SCRN3: variants seen among roughly 807,000 people sequenced by gnomAD.
SCRN3 encodes the protein secernin-3.
A neutral mutation model predicts 43.1 loss-of-function variants in SCRN3; 39 were observed. That is an observed-to-expected ratio of 0.91 (90% confidence interval 0.70 to 1.18). The LOEUF is 1.18. Among genes scored for constraint, SCRN3 ranks in the 50% most tolerant of loss-of-function variants. SCRN3 has a pLI of 0.00. For missense variants in SCRN3, 484 were observed against 498.0 expected (o/e 0.97, Z 0.27); for synonymous variants, 147 against 163.1 (o/e 0.90, Z 0.75).
intron 3 of SCRN3, among the ~76,000 whole-genome samples, 198 bp from the exon 4 acceptor site, chr2:174,400,792 G>T (rs1685481740): frequency 6.6e-6 from 1 of 152,068 alleles, no homozygotes; most frequent in Non-Finnish European, 1.5e-5. Context: ...AATTTGATAG[G>T]TTTGTTTGAC....
At chr2:174,402,131 A>T (rs1002181537) in intron 4 of SCRN3, among the ~76,000 whole-genome samples, 1 of 152,196 alleles carries the variant, frequency 6.6e-6, no homozygotes, top group Non-Finnish European at 1.5e-5. Context: ...ATTAATATAT[A>T]ACATTGTAGT....
intron 7 of SCRN3, among the ~76,000 whole-genome samples, chr2:174,427,338 T>C (rs772679885): frequency 1.3e-5 from 2 of 152,222 alleles, no homozygotes; most frequent in African/African-American, 2.4e-5. Context: ...TCTGATAATA[T>C]TGGTTTTAAA....
chr2:174,406,616 A>G (rs1308463592), intron 5 of SCRN3, among the ~76,000 whole-genome samples: 2 of 150,560 alleles, frequency 1.3e-5, no homozygotes, highest in Admixed American at 6.6e-5. Flanking sequence ...AGCTCTTATC[A>G]TTTTGAAATA....
intron 5 of SCRN3, among the ~76,000 whole-genome samples, chr2:174,414,748 A>G (rs926923015): frequency 5.8e-5 from 8 of 137,826 alleles, no homozygotes; most frequent in African/African-American, 2.1e-4. Context: ...ATCCATGACT[A>G]TTTTCTTTTC....
At position 174,428,725 on chromosome 2, in the gene SCRN3, A is replaced by T. The variant is rs951775734; in HGVS notation, c.*830A>T. ...ATTATTAGTATATTATGAACATTAT[A>T]ACATTTTGAACACTATAATGCATTA... On this transcript the variant is annotated 3_prime_UTR_variant, in exon 8 of 8. Coordinates refer to ENST00000272732, the MANE Select transcript of SCRN3 (RefSeq NM_024583.5). 1.3e-5 allele frequency: 2 copies of T among 152,214 alleles called. No homozygotes were observed. The highest frequency in any genetic ancestry group is 4.8e-5 in the African/African-American group (2 of 41,468). 9.4% of individuals were successfully genotyped at this position (152,214 alleles called of 1,614,324 possible). A position where few individuals can be genotyped will look rare whatever the true frequency, so the allele number is the denominator to read the frequency against.
intron 7 of SCRN3, among the ~76,000 whole-genome samples, chr2:174,426,445 G>C (rs1166081742): frequency 6.6e-6 from 1 of 152,092 alleles, no homozygotes; most frequent in Non-Finnish European, 1.5e-5. Context: ...TTGTTTTGTA[G>C]AGTTCTACCC....
At position 174,423,064 on chromosome 2, in the gene SCRN3, C is replaced by G. The variant is rs1424837033; in HGVS notation, c.917+17C>G. ...TCCTGAGAGGTGAAGCCACAAAATA[C>G]TATAAACCAGCAAGGGGTCAGGGGA... is the stretch of plus-strand genomic sequence containing the variant. On this transcript the variant is annotated intron_variant, in intron 6 of 7. Coordinates refer to ENST00000272732, the MANE Select transcript of SCRN3 (RefSeq NM_024583.5). The G allele has an allele frequency of 6.2e-7, 1 of 1,603,368 alleles. No individual in the cohort carries two copies. Among genetic ancestry groups the G allele is most frequent in the Non-Finnish European group, 8.5e-7 (1 of 1,173,250 alleles).
At chr2:174,411,583 T>C (rs956031540) in intron 5 of SCRN3, among the ~76,000 whole-genome samples, 6 of 152,286 alleles carry the variant, frequency 3.9e-5, no homozygotes, top group Admixed American at 3.3e-4. Context: ...TTCTTTACTT[T>C]CAAGTTTTTA....
chr2:174,401,943 A>G (rs1435774952), intron 4 of SCRN3, among the ~76,000 whole-genome samples: 1 of 152,224 alleles, frequency 6.6e-6, no homozygotes, highest in Non-Finnish European at 1.5e-5. Context: ...AATGATACAG[A>G]CACATAGATG....
chr2:174,412,753 T>A (rs116367045), intron 5 of SCRN3, among the ~76,000 whole-genome samples: 2 of 152,086 alleles, frequency 1.3e-5, no homozygotes, highest in African/African-American at 2.4e-5. Context: ...GTAAGAATGC[T>A]TGGGCCTACC....
intron 5 of SCRN3, among the ~76,000 whole-genome samples, chr2:174,413,586 C>CT (rs10524979): frequency 0.048 from 4,332 of 89,942 alleles, 268 homozygotes; most frequent in African/African-American, 0.12. Context: ...TTTGTCTTTC[C>CT]TTTTTTTTTT....
chr2:174,415,036 A>G (rs1686057148), intron 5 of SCRN3, among the ~76,000 whole-genome samples: 1 of 152,184 alleles, frequency 6.6e-6, no homozygotes, highest in African/African-American at 2.4e-5. Context: ...AAGTGCTGGG[A>G]TTATAGGCGT....
At chr2:174,403,559 A>G (rs747753752) in intron 4 of SCRN3, among the ~76,000 whole-genome samples, 13 of 152,236 alleles carry the variant, frequency 8.5e-5, no homozygotes, top group Non-Finnish European at 1.5e-4. Flanking sequence ...GATATATACA[A>G]TAACATAGAT....
chr2:174,426,160 T>C (rs1686474022), intron 7 of SCRN3, among the ~76,000 whole-genome samples: 1 of 152,208 alleles, frequency 6.6e-6, no homozygotes, highest in Admixed American at 6.5e-5. Context: ...TTAAGGCACC[T>C]TGATTTCATG....
In SCRN3 at chr2:174,427,967, C is replaced by A; in HGVS notation, c.*72C>A. 1 of 1,045,892 alleles carries A rather than the reference C, an allele frequency of 9.6e-7. No homozygotes were observed. Among genetic ancestry groups the A allele is most frequent in the Non-Finnish European group, 1.4e-6 (1 of 709,210 alleles). The allele number at this position is 1,045,892 out of a possible 1,614,324, so 64.8% of individuals were successfully genotyped here. A position where few individuals can be genotyped will look rare whatever the true frequency, so the allele number is the denominator to read the frequency against. On this transcript the variant is annotated 3_prime_UTR_variant, in exon 8 of 8. Coordinates refer to ENST00000272732, the MANE Select transcript of SCRN3 (RefSeq NM_024583.5). ...TAATCTTCAAAGTCAGAATCTATCACCTTGGTAAATTATATAAACCTAACT... is the reference window on the plus strand; with the variant it reads ...TAATCTTCAAAGTCAGAATCTATCAACTTGGTAAATTATATAAACCTAACT...
At chr2:174,399,829 T>G in intron 2 of SCRN3, 93 bp from the exon 3 acceptor site, 1 of 910,668 alleles carries the variant, frequency 1.1e-6, no homozygotes, top group Middle Eastern at 3.3e-4. Context: ...CATAACAGTT[T>G]TGTCTTCTGA....
chr2:174,397,118 C>CA, intron 1 of SCRN3: 1 of 980,466 alleles, frequency 1.0e-6, no homozygotes, highest in Non-Finnish European at 1.2e-6. Flanking sequence ...GCCATCAAGA[C>CA]ATCAGACTTC....
chr2:174,404,083 CTCT>C lies in SCRN3; in HGVS notation c.542-12_542-10del, dbSNP rs746871992. 9 of 1,585,812 alleles carry C rather than the reference CTCT, an allele frequency of 5.7e-6. No homozygotes were observed. Among genetic ancestry groups the C allele is most frequent in the African/African-American group, 4.0e-5 (3 of 74,246 alleles). On this transcript the variant is annotated splice_polypyrimidine_tract_variant and intron_variant, in intron 4 of 7. Coordinates refer to ENST00000272732, the MANE Select transcript of SCRN3 (RefSeq NM_024583.5). ...AATATGACTTTTCTTCTCCTTTCTC[CTCT>C]TCTTCTTTGAAAATAGAGGGAGTTC...
chr2:174,417,423 T>C (rs1686153055), intron 5 of SCRN3, among the ~76,000 whole-genome samples: 1 of 152,190 alleles, frequency 6.6e-6, no homozygotes, highest in Admixed American at 6.5e-5. Flanking sequence ...AGGCAGAGTC[T>C]TACACTGTCG....
Sources: gnomAD v4.1 joint callset for allele counts (sites outside exome capture counted in the v4.1 genomes callset) on GRCh38, gnomAD v4.1.1 for gene constraint, MANE v1.5 for transcripts, NCBI Gene and HGNC (gene_info 2026-07-23, HGNC 2026-07-21) for gene names.